Variants in ZC2HC1B observed in about 807,000 individuals in gnomAD.
The protein encoded by ZC2HC1B is zinc finger C2HC domain-containing protein 1B.
Under a neutral mutation model 31.0 loss-of-function variants are expected in ZC2HC1B, and 36 were observed. The ratio of observed to expected loss-of-function variants is 1.16; its 90% CI spans 0.89 to 1.54. ZC2HC1B has a LOEUF of 1.54. Among genes scored for constraint, ZC2HC1B ranks in the 40% most tolerant of loss-of-function variants. The pLI is 0.00. For missense variants in ZC2HC1B, 260 were observed against 268.6 expected (o/e 0.97, Z 0.22); for synonymous variants, 73 against 88.0 (o/e 0.83, Z 0.95).
intron 5 of ZC2HC1B, 77 bp from the exon 6 acceptor site, chr6:143,902,967 C>A: frequency 7.4e-7 from 1 of 1,355,546 alleles, no homozygotes; most frequent in Non-Finnish European, 1.0e-6. Context: ...TAAGTGGGAA[C>A]AGCTGTACCT....
intron 6 of ZC2HC1B, among the ~76,000 whole-genome samples, chr6:143,916,164 C>T (rs887700499): frequency 1.3e-5 from 2 of 152,214 alleles, no homozygotes; most frequent in Admixed American, 6.5e-5. Context: ...TGCTCCAGCC[C>T]TGACTAAAAG....
intron 6 of ZC2HC1B, among the ~76,000 whole-genome samples, chr6:143,919,874 T>C (rs1449524561): frequency 6.6e-6 from 1 of 152,230 alleles, no homozygotes; most frequent in African/African-American, 2.4e-5. Context: ...GCGCAATTGT[T>C]ATCTAGGAGG....
rs764667 is a variant in ZC2HC1B at position 143,895,942 on chromosome 6, G to C, written c.350-2610G>C. On this transcript the variant is annotated intron_variant, in intron 4 of 7. Coordinates refer to ENST00000237275, the MANE Select transcript of ZC2HC1B (RefSeq NM_001013623.3). This position sits in a 1 kb window ranked among gnomAD's most constrained non-coding sequence, Gnocchi z 4.8. ...TTGATAGAGGAAGAGAGGTGACTCC[G>C]ATTGAGCTGAGTGTAGAACATGTAG... Among the ~76,000 whole-genome samples, 11 of 152,200 alleles carry C rather than the reference G, an allele frequency of 7.2e-5. No homozygotes were observed. The highest frequency in any genetic ancestry group is 6.6e-4 in the Admixed American group (10 of 15,264).
At chr6:143,920,016 A>G (rs981786478) in intron 6 of ZC2HC1B, among the ~76,000 whole-genome samples, 2 of 152,166 alleles carry the variant, frequency 1.3e-5, no homozygotes, top group Non-Finnish European at 2.9e-5. Flanking sequence ...AAAAATTTAA[A>G]TTGTATGTGT....
Position 143,922,169 on chromosome 6 carries a change from A to G in ZC2HC1B, c.599-15480A>G, listed in dbSNP as rs750627464. 1.6e-4 allele frequency among the ~76,000 whole-genome samples: 25 copies of G among 152,134 alleles called. No individual in the cohort carries two copies. The highest frequency in any genetic ancestry group is 3.2e-4 in the Non-Finnish European group (22 of 68,006). On this transcript the variant is annotated intron_variant, in intron 6 of 7. Transcript: ENST00000237275. The surrounding 1 kb of genome is among the most constrained non-coding windows in gnomAD (Gnocchi z 5.0). ...CTTCGTTCTGTTCTGATACTAGTCT[A>G]CTTGTAATATGTGGTCTTTTTGTTG...
intron 6 of ZC2HC1B, among the ~76,000 whole-genome samples, chr6:143,912,686 C>T (rs965275967): frequency 2.0e-5 from 3 of 152,216 alleles, no homozygotes; most frequent in African/African-American, 4.8e-5. Context: ...TAGGAGGTGG[C>T]TGAAGACTCC....
intron 6 of ZC2HC1B, among the ~76,000 whole-genome samples, chr6:143,907,683 G>GT (rs1364494065): frequency 1.3e-5 from 2 of 152,076 alleles, no homozygotes; most frequent in Non-Finnish European, 2.9e-5. Flanking sequence ...TTTGACCTTT[G>GT]TCAGATGGAT....
In ZC2HC1B at chr6:143,886,165, C is replaced by A; in HGVS notation, c.210+14C>A. The A allele has an allele frequency of 6.6e-7, 1 of 1,514,840 alleles. No homozygotes were observed. Among genetic ancestry groups the A allele is most frequent in the South Asian group, 1.3e-5 (1 of 76,586 alleles). The allele number at this position is 1,514,840 out of a possible 1,614,324, so 93.8% of individuals were successfully genotyped here. On this transcript the variant is annotated intron_variant, in intron 3 of 7. Transcript: ENST00000237275. The surrounding 1 kb of genome is among the most constrained non-coding windows in gnomAD (Gnocchi z 4.2). ...CCACAATCCAAGGTACTCCTGATATCTTCTTTAGTGTTTGTTATTACATTC... is the reference window on the plus strand; with the variant it reads ...CCACAATCCAAGGTACTCCTGATATATTCTTTAGTGTTTGTTATTACATTC...
In ZC2HC1B at chr6:143,865,302, G is replaced by A. The variant is rs1468387797; in HGVS notation, c.28+735G>A. Among the ~76,000 whole-genome samples the A allele has an allele frequency of 6.6e-6, 1 of 152,194 alleles. No individual in the cohort carries two copies. Among genetic ancestry groups the A allele is most frequent in the African/African-American group, 2.4e-5 (1 of 41,450 alleles). On this transcript the variant is annotated intron_variant, in intron 1 of 7. Transcript: ENST00000237275. The surrounding 1 kb of genome is among the most constrained non-coding windows in gnomAD (Gnocchi z 4.4). Reference sequence around the variant, plus strand: ...AGGAGCCACATGGTCTGAGGAGGCAGGATAGGTGCAGCGAAATGTAACTGG... The same window carrying A: ...AGGAGCCACATGGTCTGAGGAGGCAAGATAGGTGCAGCGAAATGTAACTGG...
At position 143,895,114 on chromosome 6, in the gene ZC2HC1B, T is replaced by G. The variant is rs1198839968; in HGVS notation, c.350-3438T>G. Among the ~76,000 whole-genome samples the G allele has an allele frequency of 6.6e-6, 1 of 152,224 alleles. No homozygotes were observed. The highest frequency in any genetic ancestry group is 1.5e-5 in the Non-Finnish European group (1 of 68,040). On this transcript the variant is annotated intron_variant, in intron 4 of 7. Coordinates refer to ENST00000237275, the MANE Select transcript of ZC2HC1B (RefSeq NM_001013623.3). This position sits in a 1 kb window ranked among gnomAD's most constrained non-coding sequence, Gnocchi z 4.8. ...TTTTGTTTGTGCAAGGATTTTATAT[T>G]AGCCCAGAATTCTCAGGCTTAAGTT... is the stretch of plus-strand genomic sequence containing the variant.
Position 143,895,639 on chromosome 6 carries a change from T to G in ZC2HC1B, c.350-2913T>G, listed in dbSNP as rs1777656817. On this transcript the variant is annotated intron_variant, in intron 4 of 7. Transcript: ENST00000237275. The surrounding 1 kb of genome is among the most constrained non-coding windows in gnomAD (Gnocchi z 4.8). ...GACTTAGCTAAGTCTGTCAATGATTTAAATTTCTAGGATACTGTGACAGTT... is the reference window on the plus strand; with the variant it reads ...GACTTAGCTAAGTCTGTCAATGATTGAAATTTCTAGGATACTGTGACAGTT... Among the ~76,000 whole-genome samples the G allele has an allele frequency of 6.6e-6, 1 of 152,218 alleles. No individual in the cohort carries two copies. The highest frequency in any genetic ancestry group is 1.5e-5 in the Non-Finnish European group (1 of 68,032).
At position 143,915,744 on chromosome 6, in the gene ZC2HC1B, T is replaced by A. The variant is rs573362902; in HGVS notation, c.598+12592T>A. Reference sequence around the variant, plus strand: ...TGGCATTTTGCCCCTGCCATAGAGATGTGTGGAACTTTGGACTTCAGGGAG... The same window carrying A: ...TGGCATTTTGCCCCTGCCATAGAGAAGTGTGGAACTTTGGACTTCAGGGAG... On this transcript the variant is annotated intron_variant, in intron 6 of 7. Transcript: ENST00000237275. The surrounding 1 kb of genome is among the most constrained non-coding windows in gnomAD (Gnocchi z 5.2). 3.2e-4 allele frequency among the ~76,000 whole-genome samples: 48 copies of A among 152,316 alleles called. No individual in the cohort carries two copies. The South Asian group carries it at 9.1e-3, about 29-fold the overall frequency.
chr6:143,881,844 G>A (rs1454610622), intron 1 of ZC2HC1B: 1 of 152,048 alleles, frequency 6.6e-6, no homozygotes, highest in African/African-American at 2.4e-5. Flanking sequence ...AGAAGGTGGT[G>A]GTCCATCTGT....
At position 143,882,334 on chromosome 6, in the gene ZC2HC1B, TTATATATATATATATATATA is replaced by T. The variant is rs59777839; in HGVS notation, c.29-1954_29-1935del. On this transcript the variant is annotated intron_variant, in intron 1 of 7. Transcript: ENST00000237275. ...AATATGTATACATATTTTATATTTT[TTATATATATATATATATATA>T]TATATATATATATATTTAGATGAAG... 2.9e-4 allele frequency among the ~76,000 whole-genome samples: 25 copies of T among 85,552 alleles called. 1 individual carries two copies. The highest frequency in any genetic ancestry group is 1.5e-3 in the African/African-American group (23 of 15,662). The allele number at this position is 85,552 out of a possible 152,430, so 56.1% of individuals were successfully genotyped here.
At chr6:143,867,352 A>G (rs879654188) in intron 1 of ZC2HC1B, among the ~76,000 whole-genome samples, 2 of 152,184 alleles carry the variant, frequency 1.3e-5, no homozygotes, top group Non-Finnish European at 2.9e-5. Flanking sequence ...TACCAATTAG[A>G]TGAAAGCATC....
At chr6:143,873,776 G>A (rs908565578) in intron 1 of ZC2HC1B, among the ~76,000 whole-genome samples, 2 of 152,142 alleles carry the variant, frequency 1.3e-5, no homozygotes, top group Non-Finnish European at 2.9e-5. Flanking sequence ...GGCTGTACAT[G>A]GGTACCCTGG....
At position 143,887,234 on chromosome 6, in the gene ZC2HC1B, C is replaced by CT. The variant is rs1380894522; in HGVS notation, c.349+420dup. On this transcript the variant is annotated intron_variant, in intron 4 of 7. Transcript: ENST00000237275. This position sits in a 1 kb window ranked among gnomAD's most constrained non-coding sequence, Gnocchi z 5.1. The stretch of plus-strand genomic sequence containing the variant: ...AAGCTGTACAATTTAGTACCCACAG[C>CT]TTTTTTTACTGGAAACATTTTATTT... Among the ~76,000 whole-genome samples, 5 of 151,996 alleles carry CT rather than the reference C, an allele frequency of 3.3e-5. No individual in the cohort carries two copies. Among genetic ancestry groups the CT allele is most frequent in the East Asian group, 3.9e-4 (2 of 5,182 alleles).
At chr6:143,920,021 A>G (rs1777969495) in intron 6 of ZC2HC1B, among the ~76,000 whole-genome samples, 1 of 152,154 alleles carries the variant, frequency 6.6e-6, no homozygotes, top group Non-Finnish European at 1.5e-5. Context: ...TTTAAATTGT[A>G]TGTGTATTCA....
Position 143,924,396 on chromosome 6 carries a change from TACAC to T in ZC2HC1B, c.599-13243_599-13240del, listed in dbSNP as rs200294921. On this transcript the variant is annotated intron_variant, in intron 6 of 7. Coordinates refer to ENST00000237275, the MANE Select transcript of ZC2HC1B (RefSeq NM_001013623.3). The surrounding 1 kb of genome is among the most constrained non-coding windows in gnomAD (Gnocchi z 5.2). ...CATATATATATCCATGTATATATAATACACACACACACATATATCCATGTTATCT... is the reference window on the plus strand; with the variant it reads ...CATATATATATCCATGTATATATAATACACACACATATATCCATGTTATCT... 2.6e-5 allele frequency among the ~76,000 whole-genome samples: 4 copies of T among 151,246 alleles called. No homozygotes were observed. Among genetic ancestry groups the T allele is most frequent in the Non-Finnish European group, 5.9e-5 (4 of 67,820 alleles).
Sources: allele counts gnomAD v4.1 joint callset (sites outside exome capture counted in the v4.1 genomes callset), GRCh38; gene constraint gnomAD v4.1.1; non-coding constraint Gnocchi (gnomAD v3.1); transcripts MANE v1.5; gene names NCBI Gene and HGNC (gene_info 2026-07-23, HGNC 2026-07-21).